Variants in SSH1 observed in about 807,000 individuals in gnomAD.
The protein encoded by SSH1 is protein phosphatase Slingshot homolog 1.
A neutral mutation model predicts 79.7 loss-of-function variants in SSH1; 43 were observed. That is an observed-to-expected ratio of 0.54 (90% CI 0.42 to 0.70). The LOEUF is 0.70. Among genes scored for constraint, SSH1 ranks in the 30% least tolerant of loss-of-function variants. The pLI is 0.00. For synonymous variants in SSH1, 599 were observed against 538.3 expected (o/e 1.11, Z -1.56); for missense variants, 1,206 against 1,358.8 (o/e 0.89, Z 1.77).
In SSH1 at chr12:108,799,075, T is replaced by C. The variant is rs1312362265; in HGVS notation, c.1274A>G (p.Gln425Arg). The C allele has an allele frequency of 8.1e-6, 13 of 1,614,110 alleles. No individual in the cohort carries two copies. The highest frequency in any genetic ancestry group is 1.0e-5 in the Non-Finnish European group (12 of 1,180,064). ...GTTGGGGCGCGTGATGCTGCGCTTC[T>C]GCTTTACATAGTTATATGCTTTTTC... ...PLEKAYNYVK[Q>R]KRSITRPNAG... Residue 425 changes from glutamine (Q) to arginine (R), a missense_variant, in exon 13 of 15, where the codon CAG becomes CGG. Gln to Arg is a conservative substitution (Grantham distance 43). Coordinates refer to ENST00000326495, the MANE Select transcript of SSH1 (RefSeq NM_018984.4).
rs1234951997 is a variant in SSH1, at chr12:108,783,238, G to A, written c.*4750C>T. 2.0e-5 allele frequency: 3 copies of A among 152,242 alleles called. No homozygotes were observed. The highest frequency in any genetic ancestry group is 2.0e-4 in the Admixed American group (3 of 15,278). The allele number at this position is 152,242 out of a possible 1,614,324, so 9.4% of individuals were successfully genotyped here. ...CTGGCCTGCAGGAACCGCCAGTGTT[G>A]TTTCTAGCAAGGCTCCTTGGAATAG... On this transcript the variant is annotated 3_prime_UTR_variant, in exon 15 of 15. Transcript: ENST00000326495.
chr12:108,845,076 G>T (rs1474315930), intron 2 of SSH1, among the ~76,000 whole-genome samples: 1 of 151,110 alleles, frequency 6.6e-6, no homozygotes, highest in African/African-American at 2.4e-5. Flanking sequence ...AAAATTTGCA[G>T]GGTACACCTA....
chr12:108,794,620 A>C (rs2036663528), intron 13 of SSH1, among the ~76,000 whole-genome samples: 1 of 152,198 alleles, frequency 6.6e-6, no homozygotes, highest in African/African-American at 2.4e-5. Context: ...AAAGGAAAAC[A>C]AATCTTGGGA....
intron 8 of SSH1, 32 bp from the exon 9 acceptor site, chr12:108,806,426 A>T: frequency 6.3e-7 from 1 of 1,596,050 alleles, no homozygotes; most frequent in Non-Finnish European, 8.6e-7. Flanking sequence ...GAGAGCAAGG[A>T]GCTGTAGAAA....
intron 5 of SSH1, among the ~76,000 whole-genome samples, chr12:108,813,828 G>A (rs964666632): frequency 6.6e-5 from 10 of 151,704 alleles, no homozygotes; most frequent in African/African-American, 2.4e-4. Context: ...GAAGGGGATA[G>A]GGAAAACAGG....
chr12:108,811,129 T>G, intron 6 of SSH1, 131 bp downstream of exon 6: 2 of 859,924 alleles, frequency 2.3e-6, no homozygotes, highest in South Asian at 2.8e-5. Flanking sequence ...GGCAATATGA[T>G]TTCTCCCGCT....
chr12:108,842,464 G>C (rs1437855255), intron 2 of SSH1, among the ~76,000 whole-genome samples: 1 of 152,222 alleles, frequency 6.6e-6, no homozygotes, highest in Non-Finnish European at 1.5e-5. Context: ...GTGACAACAA[G>C]ATGACAGCAA....
At position 108,799,051 on chromosome 12, in the gene SSH1, T is replaced by A; in HGVS notation, c.1298A>T (p.Asn433Ile). ...AGACAGCTGCCTCATAAAGCCCGCGTTGGGGCGCGTGATGCTGCGCTTCTG... is the reference window on the plus strand; with the variant it reads ...AGACAGCTGCCTCATAAAGCCCGCGATGGGGCGCGTGATGCTGCGCTTCTG... The part of the protein sequence containing the change: ...VKQKRSITRP[N>I]AGFMRQLSEY... The change falls in exon 13 of 15, where the codon AAC becomes ATC. Residue 433 changes from asparagine (N) to isoleucine (I), a missense_variant. Physicochemically the swap from Asn to Ile is moderately radical, Grantham distance 149 (BLOSUM62 -3). Coordinates refer to ENST00000326495, the MANE Select transcript of SSH1 (RefSeq NM_018984.4). The A allele has an allele frequency of 6.2e-7, 1 of 1,614,100 alleles. No individual in the cohort carries two copies. The highest frequency in any genetic ancestry group is 8.5e-7 in the Non-Finnish European group (1 of 1,180,050).
rs776668774 is a variant in SSH1, at chr12:108,856,527, G to A, written c.69+901C>T. Among the ~76,000 whole-genome samples the A allele has an allele frequency of 9.2e-5, 14 of 152,316 alleles. 1 individual carries two copies. Among genetic ancestry groups the A allele is most frequent in the Non-Finnish European group, 1.6e-4 (11 of 68,026 alleles). On this transcript the variant is annotated intron_variant, in intron 1 of 14. Coordinates refer to ENST00000326495, the MANE Select transcript of SSH1 (RefSeq NM_018984.4). ...TAGATGCACATAAACACACAGGCCT[G>A]AGTGATGTTACAGAAAGGAAAAGCC...
rs879753991 is a variant in SSH1 at position 108,787,154 on chromosome 12, AC to A, written c.*833del. The A allele has an allele frequency of 6.6e-6, 1 of 152,168 alleles. No homozygotes were observed. The highest frequency in any genetic ancestry group is 6.5e-5 in the Admixed American group (1 of 15,270). 9.4% of individuals were successfully genotyped at this position (152,168 alleles called of 1,614,324 possible). On this transcript the variant is annotated 3_prime_UTR_variant, in exon 15 of 15. Transcript: ENST00000326495. ...CACTTGAGCAATTTCAAACCTAAAC[AC>A]AATCATGTGTTTCAGCAGCAGACAC...
chr12:108,793,647 C>A (rs2036610498), intron 13 of SSH1, among the ~76,000 whole-genome samples: 1 of 152,114 alleles, frequency 6.6e-6, no homozygotes, highest in South Asian at 2.1e-4. Flanking sequence ...CCTCCTACCT[C>A]AGCCTCCCAA....
chr12:108,811,573 A>G (rs1489930163), intron 5 of SSH1: 1 of 545,600 alleles, frequency 1.8e-6, no homozygotes, highest in Non-Finnish European at 3.4e-6. Flanking sequence ...CGCCCACTCT[A>G]CAGCAGGGAG....
chr12:108,832,784 C>T (rs755032331), intron 2 of SSH1, among the ~76,000 whole-genome samples: 6 of 152,146 alleles, frequency 3.9e-5, no homozygotes, highest in Non-Finnish European at 8.8e-5. Flanking sequence ...GGCAGGGCCT[C>T]GTTCCAAATG....
chr12:108,805,211 G>C, intron 9 of SSH1, 27 bp from the exon 10 acceptor site: 1 of 1,603,538 alleles, frequency 6.2e-7, no homozygotes, highest in Non-Finnish European at 8.5e-7. Flanking sequence ...ATTAGGAAAA[G>C]TGATTTGTTA....
chr12:108,805,218 G>A (rs776852458), intron 9 of SSH1, 34 bp from the exon 10 acceptor site: 2 of 1,601,990 alleles, frequency 1.2e-6, no homozygotes, highest in Admixed American at 3.3e-5. Context: ...AAAGTGATTT[G>A]TTAAAGAAAA....
chr12:108,811,274 G>A lies in SSH1; in HGVS notation c.456C>T (p.His152=), dbSNP rs1349016330. The change falls in exon 6 of 15, where the codon CAC becomes CAT. Residue 152 remains histidine (H), a synonymous_variant. Coordinates refer to ENST00000326495, the MANE Select transcript of SSH1 (RefSeq NM_018984.4). The stretch of plus-strand genomic sequence containing the variant: ...GACCTCCTTACCCATCTCCATCAAG[G>A]TGGATTTTCGTGTCGCTCCACAGTC... ...VLRLWSDTKI[H]LDGDGGFSVS... 6.8e-6 allele frequency: 11 copies of A among 1,614,202 alleles called. No individual in the cohort carries two copies. The highest frequency in any genetic ancestry group is 9.3e-6 in the Non-Finnish European group (11 of 1,180,036).
At chr12:108,836,038 A>AATATTAATATAATCGATTATATTT (rs1566013114) in intron 2 of SSH1, among the ~76,000 whole-genome samples, 1 of 138,262 alleles carries the variant, frequency 7.2e-6, no homozygotes, top group South Asian at 2.3e-4. Flanking sequence ...CGATTATATT[A>AATATTAATATAATCGATTATATTT]ATATTAATAT....
chr12:108,800,042 G>C (rs191106169), intron 12 of SSH1, among the ~76,000 whole-genome samples: 1 of 152,156 alleles, frequency 6.6e-6, no homozygotes, highest in Non-Finnish European at 1.5e-5. Flanking sequence ...TGAAGTTTCC[G>C]TCAAGGGAGT....
chr12:108,784,767 T>C lies in SSH1; in HGVS notation c.*3221A>G, dbSNP rs370896227. ...GAAAAGTTCAGTCTAACTTTTGGCA[T>C]GCCACATGAATTAATGTGAGGCAGA... On this transcript the variant is annotated 3_prime_UTR_variant, in exon 15 of 15. Coordinates refer to ENST00000326495, the MANE Select transcript of SSH1 (RefSeq NM_018984.4). 4 of 152,244 alleles carry C rather than the reference T, an allele frequency of 2.6e-5. No individual in the cohort carries two copies. Among genetic ancestry groups the C allele is most frequent in the African/African-American group, 9.6e-5 (4 of 41,460 alleles). 9.4% of individuals were successfully genotyped at this position (152,244 alleles called of 1,614,324 possible).
Sources: allele counts gnomAD v4.1 joint callset (sites outside exome capture counted in the v4.1 genomes callset), GRCh38; gene constraint gnomAD v4.1.1; transcripts MANE v1.5; gene names NCBI Gene and HGNC (gene_info 2026-07-23, HGNC 2026-07-21).